HIVEP3: variants seen among roughly 807,000 people sequenced by gnomAD.
The protein encoded by HIVEP3 is transcription factor HIVEP3.
A neutral mutation model predicts 152.8 loss-of-function variants in HIVEP3; 49 were observed. The observed-to-expected ratio is 0.32, with a 90% CI of 0.26 to 0.41. HIVEP3 has a LOEUF of 0.41. Among genes scored for constraint, HIVEP3 ranks in the 10% least tolerant of loss-of-function variants. The pLI is 1.00. For synonymous variants in HIVEP3, 1,269 were observed against 1,289.0 expected, an observed-to-expected ratio of 0.98 and a Z score of 0.33; for missense variants, 2,790 against 3,103.3, an observed-to-expected ratio of 0.90 and a Z score of 2.40.
intron 2 of HIVEP3, among the ~76,000 whole-genome samples, chr1:41,668,659 C>T (rs918146064): frequency 6.6e-5 from 10 of 152,220 alleles, no homozygotes; most frequent in Admixed American, 3.9e-4. Flanking sequence ...TTCCCTCCAG[C>T]TCCCCTGTAA....
chr1:41,955,480 T>C (rs994243889), intron 1 of HIVEP3, among the ~76,000 whole-genome samples: 1 of 151,992 alleles, frequency 6.6e-6, no homozygotes, highest in Non-Finnish European at 1.5e-5. Flanking sequence ...GCAAACTGTG[T>C]CCTACAACAG....
intron 5 of HIVEP3, among the ~76,000 whole-genome samples, chr1:41,544,772 CACT>C (rs1262036179): frequency 2.5e-4 from 37 of 146,180 alleles, no homozygotes; most frequent in Non-Finnish European, 3.6e-4. Context: ...CCACCACTAC[CACT>C]ACCTCTACCT....
At position 41,862,228 on chromosome 1, in the gene HIVEP3, G is replaced by C. The variant is rs147941801; in HGVS notation, c.-801+56185C>G. Among the ~76,000 whole-genome samples, 292 of 152,264 alleles carry C rather than the reference G, an allele frequency of 1.9e-3. 1 individual carries two copies. Among genetic ancestry groups the C allele is most frequent in the African/African-American group, 6.6e-3 (274 of 41,546 alleles). On this transcript the variant is annotated intron_variant, in intron 1 of 8. Coordinates refer to ENST00000372583, the MANE Select transcript of HIVEP3 (RefSeq NM_024503.5). ...TGAAGTTTTATCCACCAATGAAATG[G>C]CTGTCTGTCCAAACAAATAAGCAAC...
rs36057791 is a variant in HIVEP3 at position 41,640,863 on chromosome 1, C to T, written c.-720-11916G>A. ...AAACAGAGAGATGTGGACAGCCTTG[C>T]ACTGCAGGAGGGCCCAAGGCTCTGG... On this transcript the variant is annotated intron_variant, in intron 2 of 8. Transcript: ENST00000372583. 2.0e-3 allele frequency among the ~76,000 whole-genome samples: 305 copies of T among 152,336 alleles called. 2 individuals carry two copies. The highest frequency in any genetic ancestry group is 1.3e-3 in the Non-Finnish European group (88 of 68,026).
At position 41,564,052 on chromosome 1, in the gene HIVEP3, G is replaced by A. The variant is rs546358925; in HGVS notation, c.5207+11492C>T. 4.6e-5 allele frequency among the ~76,000 whole-genome samples: 7 copies of A among 152,264 alleles called. No individual in the cohort carries two copies. The East Asian group carries it at 1.4e-3, about 29-fold the overall frequency. ...ACTCAAAATACAAAAAATTAGCAGG[G>A]CATGGTGGCGGGCTCCTGTAGTCCC... On this transcript the variant is annotated intron_variant, in intron 5 of 8. Transcript: ENST00000372583.
At chr1:41,684,081 T>C (rs1646080598) in intron 2 of HIVEP3, among the ~76,000 whole-genome samples, 2 of 152,320 alleles carry the variant, frequency 1.3e-5, no homozygotes, top group East Asian at 1.9e-4. Context: ...TCTGCTCTTT[T>C]GACAAATGTG....
intron 1 of HIVEP3, among the ~76,000 whole-genome samples, chr1:41,892,733 C>G (rs1644465080): frequency 6.6e-6 from 1 of 152,156 alleles, no homozygotes. Flanking sequence ...CTGCTGCTGA[C>G]AGCTGCAGAG....
intron 1 of HIVEP3, among the ~76,000 whole-genome samples, chr1:41,756,232 T>C (rs1378550572): frequency 1.3e-5 from 2 of 152,168 alleles, no homozygotes; most frequent in Non-Finnish European, 1.5e-5. Context: ...TGTATGATTA[T>C]AGAGATAGAG....
intron 1 of HIVEP3, among the ~76,000 whole-genome samples, chr1:41,927,097 C>T (rs1260312391): frequency 6.6e-6 from 1 of 152,152 alleles, no homozygotes; most frequent in Non-Finnish European, 1.5e-5. Context: ...GGTAAGAATT[C>T]CCTTCTAGGA....
chr1:41,970,809 G>A (rs151175401), intron 1 of HIVEP3, among the ~76,000 whole-genome samples: 79 of 152,266 alleles, frequency 5.2e-4, no homozygotes, highest in African/African-American at 1.9e-3. Flanking sequence ...GGCACAGAGG[G>A]AGGACTATAT....
chr1:41,716,239 C>A (rs1258777637), intron 1 of HIVEP3, among the ~76,000 whole-genome samples: 1 of 152,150 alleles, frequency 6.6e-6, no homozygotes, highest in African/African-American at 2.4e-5. Context: ...GCTGGGTGAA[C>A]CCAGAGGCAG....
At chr1:41,573,816 G>A (rs548101921) in intron 5 of HIVEP3, among the ~76,000 whole-genome samples, 1 of 152,172 alleles carries the variant, frequency 6.6e-6, no homozygotes, top group Non-Finnish European at 1.5e-5. Context: ...AGAGATGACA[G>A]AACTCAACCG....
intron 1 of HIVEP3, among the ~76,000 whole-genome samples, chr1:41,732,282 C>G (rs1411047250): frequency 6.6e-6 from 1 of 152,138 alleles, no homozygotes; most frequent in Admixed American, 6.5e-5. Context: ...GAGACAGCTA[C>G]TATTATCATC....
Position 41,628,729 on chromosome 1 carries a change from C to A in HIVEP3, c.-522+20G>T. The A allele has an allele frequency of 1.6e-6, 2 of 1,231,152 alleles. No individual in the cohort carries two copies. Among genetic ancestry groups the A allele is most frequent in the Non-Finnish European group, 1.0e-6 (1 of 987,016 alleles). The allele number at this position is 1,231,152 out of a possible 1,614,324, so 76.3% of individuals were successfully genotyped here. ...CATGGCGCCTGGCAAGCATATTCAG[C>A]AACAGCCCCCATTTCCTACCTGTGC... On this transcript the variant is annotated intron_variant, in intron 3 of 8. Transcript: ENST00000372583.
intron 2 of HIVEP3, among the ~76,000 whole-genome samples, chr1:41,676,042 GTTTCT>G (rs1348795017): frequency 7.9e-5 from 12 of 151,554 alleles, no homozygotes; most frequent in Non-Finnish European, 1.8e-4. Context: ...CCAACCAGGT[GTTTCT>G]TTTCTTTTCT....
chr1:41,692,873 C>T (rs920790256), intron 2 of HIVEP3, among the ~76,000 whole-genome samples: 2 of 152,196 alleles, frequency 1.3e-5, no homozygotes, highest in Non-Finnish European at 1.5e-5. Context: ...AATTTGGTTG[C>T]TTCCCATTAT....
intron 2 of HIVEP3, among the ~76,000 whole-genome samples, chr1:41,629,693 T>C (rs948534011): frequency 3.9e-5 from 6 of 152,062 alleles, no homozygotes; most frequent in Non-Finnish European, 8.8e-5. Flanking sequence ...TCACTAATCA[T>C]CAGAGAAATG....
At chr1:41,878,559 TAGG>T (rs1644207640) in intron 1 of HIVEP3, among the ~76,000 whole-genome samples, 1 of 152,016 alleles carries the variant, frequency 6.6e-6, no homozygotes, top group Non-Finnish European at 1.5e-5. Flanking sequence ...GGGGAGAGGG[TAGG>T]AGAAGAAAAC....
intron 3 of HIVEP3, among the ~76,000 whole-genome samples, chr1:41,590,580 G>T (rs1644573238): frequency 6.6e-6 from 1 of 152,218 alleles, no homozygotes; most frequent in Non-Finnish European, 1.5e-5. Flanking sequence ...GTGAAGCAAA[G>T]CCACCTGCCC....
Sources: allele counts gnomAD v4.1 joint callset (sites outside exome capture counted in the v4.1 genomes callset), GRCh38; gene constraint gnomAD v4.1.1; transcripts MANE v1.5; gene names NCBI Gene and HGNC (gene_info 2026-07-23, HGNC 2026-07-21).